Variants in FNIP2 observed in about 807,000 individuals in gnomAD.
FNIP2 encodes folliculin interacting protein 2, also known as folliculin-interacting protein 2.
Under a neutral mutation model 108.7 loss-of-function variants are expected in FNIP2, and 32 were observed. That is an observed-to-expected ratio of 0.29 (90% CI 0.22 to 0.40). The LOEUF (loss-of-function observed/expected upper bound fraction) is 0.40, where lower values mean the gene tolerates loss of function less well. FNIP2 is among the 10% of genes least tolerant of loss of function. The probability of loss-of-function intolerance (pLI) is 1.00; values close to 1 mark genes in which losing one functional copy is unlikely to be tolerated. For synonymous variants in FNIP2, 480 were observed against 496.7 expected, an observed-to-expected ratio of 0.97 and a Z score of 0.45; for missense variants, 1,202 against 1,381.6, an observed-to-expected ratio of 0.87 and a Z score of 2.06.
rs1778739176 is a variant in FNIP2 at position 158,835,330 on chromosome 4, A to C, written c.656-75A>C. 1.1e-5 allele frequency: 14 copies of C among 1,312,190 alleles called. No individual in the cohort carries two copies. The South Asian group carries it at 1.7e-4, about 16-fold the overall frequency. The allele number at this position is 1,312,190 out of a possible 1,614,324, so 81.3% of individuals were successfully genotyped here. ...AGCAGTAGCCTACTTTGAAATTTAA[A>C]AATTACTGCAGTCATTTTAAAAACT... On this transcript the variant is annotated intron_variant, in intron 6 of 16. Coordinates refer to ENST00000264433, the MANE Select transcript of FNIP2 (RefSeq NM_020840.3).
chr4:158,781,531 T>C (rs1776046328), intron 1 of FNIP2, among the ~76,000 whole-genome samples: 1 of 152,198 alleles, frequency 6.6e-6, no homozygotes. Context: ...TGTTTTTGTT[T>C]TGAGACAGAG....
At chr4:158,801,396 G>T (rs1038587787) in intron 1 of FNIP2, among the ~76,000 whole-genome samples, 6 of 152,192 alleles carry the variant, frequency 3.9e-5, no homozygotes, top group African/African-American at 1.2e-4. Flanking sequence ...GTAGAAGAAA[G>T]AATTTGACTT....
At chr4:158,884,138 A>G (rs1261228181) in intron 14 of FNIP2, among the ~76,000 whole-genome samples, 1 of 152,182 alleles carries the variant, frequency 6.6e-6, no homozygotes, top group Non-Finnish European at 1.5e-5. Context: ...AGTCATTTAA[A>G]TGTGGTACAT....
At position 158,831,927 on chromosome 4, in the gene FNIP2, T is replaced by A. The variant is rs1361632915; in HGVS notation, c.448T>A (p.Tyr150Asn). 6.2e-7 allele frequency: 1 copy of A among 1,611,810 alleles called. No homozygotes were observed. The highest frequency in any genetic ancestry group is 8.5e-7 in the Non-Finnish European group (1 of 1,178,876). The stretch of plus-strand genomic sequence containing the variant: ...GATGTTTGGCTCAGTTGCCATGAGT[T>A]ACAAAGGCTCCACCTTAAAGATACA... ...EMMFGSVAMS[Y>N]KGSTLKIHYI... Residue 150 changes from tyrosine to asparagine, a missense_variant, in exon 4 of 17, where the codon TAC (tyrosine) becomes AAC (asparagine). Coordinates refer to ENST00000264433, the MANE Select transcript of FNIP2 (RefSeq NM_020840.3).
chr4:158,815,409 G>A (rs1352918021), intron 1 of FNIP2, among the ~76,000 whole-genome samples: 3 of 144,690 alleles, frequency 2.1e-5, no homozygotes, highest in Non-Finnish European at 3.0e-5. Context: ...TTGAGACGGA[G>A]TCTTGCTCTC....
chr4:158,815,659 C>T (rs1005523902), intron 1 of FNIP2, among the ~76,000 whole-genome samples: 4 of 152,078 alleles, frequency 2.6e-5, no homozygotes, highest in South Asian at 2.1e-4. Flanking sequence ...CCACCGCGCC[C>T]GGCCCAGTAA....
chr4:158,807,363 C>T (rs557146314), intron 1 of FNIP2, among the ~76,000 whole-genome samples: 8 of 152,076 alleles, frequency 5.3e-5, no homozygotes, highest in African/African-American at 1.7e-4. Context: ...ATTAGCAGGG[C>T]ATGGGGGCAT....
chr4:158,846,427 G>A (rs1459646687), intron 7 of FNIP2, among the ~76,000 whole-genome samples: 1 of 152,162 alleles, frequency 6.6e-6, no homozygotes, highest in Non-Finnish European at 1.5e-5. Context: ...CCGTTTTACA[G>A]ATGAGAGAGC....
chr4:158,800,939 T>G (rs1230327029), intron 1 of FNIP2, among the ~76,000 whole-genome samples: 1 of 152,178 alleles, frequency 6.6e-6, no homozygotes, highest in East Asian at 1.9e-4. Flanking sequence ...TATGGAGACA[T>G]GGGAGTAGAA....
chr4:158,814,490 C>T (rs1447205756), intron 1 of FNIP2, among the ~76,000 whole-genome samples: 5 of 152,224 alleles, frequency 3.3e-5, no homozygotes, highest in Admixed American at 2.6e-4. Context: ...CAGCCTTCCC[C>T]TGCCTACATG....
intron 1 of FNIP2, among the ~76,000 whole-genome samples, chr4:158,775,250 A>G (rs1268517203): frequency 6.6e-6 from 1 of 152,174 alleles, no homozygotes; most frequent in Non-Finnish European, 1.5e-5. Context: ...AATGTTTTGT[A>G]CTGATTGTAC....
chr4:158,791,861 A>G (rs1776430922), intron 1 of FNIP2, among the ~76,000 whole-genome samples: 1 of 152,184 alleles, frequency 6.6e-6, no homozygotes, highest in African/African-American at 2.4e-5. Flanking sequence ...GCTTGAAAAT[A>G]GGTAAAACAT....
intron 1 of FNIP2, among the ~76,000 whole-genome samples, chr4:158,815,610 A>C (rs1010892549): frequency 2.6e-5 from 4 of 152,042 alleles, no homozygotes; most frequent in African/African-American, 9.7e-5. Flanking sequence ...GTGATCCGCC[A>C]GCCTCGGCCT....
chr4:158,791,797 T>C (rs753954492), intron 1 of FNIP2, among the ~76,000 whole-genome samples: 1 of 152,178 alleles, frequency 6.6e-6, no homozygotes, highest in Non-Finnish European at 1.5e-5. Flanking sequence ...CATTCTGCAG[T>C]CTGAGGGTTA....
intron 14 of FNIP2, among the ~76,000 whole-genome samples, chr4:158,886,127 ATCT>A (rs1247000704): frequency 1.3e-5 from 2 of 152,204 alleles, no homozygotes; most frequent in African/African-American, 4.8e-5. Flanking sequence ...AAACTCAATA[ATCT>A]TCTAAAGATT....
chr4:158,774,106 A>G (rs1021633694), intron 1 of FNIP2, among the ~76,000 whole-genome samples: 4 of 152,220 alleles, frequency 2.6e-5, no homozygotes, highest in African/African-American at 9.6e-5. Flanking sequence ...ATGTAACAAA[A>G]TTACACTTAT....
chr4:158,841,297 G>T (rs779738711), intron 7 of FNIP2, among the ~76,000 whole-genome samples: 1 of 152,160 alleles, frequency 6.6e-6, no homozygotes, highest in Non-Finnish European at 1.5e-5. Context: ...ATTCTCACTG[G>T]TACCAAAGGA....
At chr4:158,797,697 T>TCAAAA (rs894850936) in intron 1 of FNIP2, among the ~76,000 whole-genome samples, 33 of 152,162 alleles carry the variant, frequency 2.2e-4, no homozygotes, top group African/African-American at 2.9e-4. Context: ...AGACCCTGTC[T>TCAAAA]CAAAACAAAA....
At chr4:158,775,547 T>C (rs1775832467) in intron 1 of FNIP2, among the ~76,000 whole-genome samples, 2 of 152,100 alleles carry the variant, frequency 1.3e-5, no homozygotes, top group East Asian at 3.8e-4. Flanking sequence ...ACAGACACTT[T>C]TGTAACCAGT....
Sources: gnomAD v4.1 joint callset for allele counts (sites outside exome capture counted in the v4.1 genomes callset) on GRCh38, gnomAD v4.1.1 for gene constraint, MANE v1.5 for transcripts, NCBI Gene and HGNC (gene_info 2026-07-23, HGNC 2026-07-21) for gene names.